The following SNX27 variants were observed in gnomAD, a reference collection of about 807,000 sequenced individuals.
The protein encoded by SNX27 is sorting nexin 27, also known as sorting nexin-27.
Under a neutral mutation model 71.6 loss-of-function variants are expected in SNX27, and 22 were observed. The ratio of observed to expected loss-of-function variants is 0.31; its 90% CI spans 0.22 to 0.44. SNX27 has a LOEUF of 0.44. SNX27 is among the 20% of genes least tolerant of loss of function. The pLI, the probability that SNX27 is intolerant of heterozygous loss-of-function variation, is 1.00. For synonymous variants in SNX27, 269 were observed against 277.2 expected, an observed-to-expected ratio of 0.97 and a Z score of 0.29; for missense variants, 531 against 698.6, an observed-to-expected ratio of 0.76 and a Z score of 2.70.
intron 1 of SNX27, among the ~76,000 whole-genome samples, chr1:151,633,404 C>T (rs1396203115): frequency 6.6e-6 from 1 of 152,048 alleles, no homozygotes; most frequent in Non-Finnish European, 1.5e-5. Context: ...TACAAGCAAT[C>T]CTCCTACCTC....
At chr1:151,651,045 C>A (rs974359336) in intron 2 of SNX27, among the ~76,000 whole-genome samples, 1 of 152,052 alleles carries the variant, frequency 6.6e-6, no homozygotes, top group African/African-American at 2.4e-5. Context: ...CAATCTTTTC[C>A]CCACCTTTCC....
At position 151,697,601 on chromosome 1, in the gene SNX27, C is replaced by G. The variant is rs1671828317; in HGVS notation, c.*3184C>G. The G allele has an allele frequency of 6.5e-6, 1 of 152,772 alleles. No homozygotes were observed. The highest frequency in any genetic ancestry group is 1.5e-5 in the Non-Finnish European group (1 of 68,136). The allele number at this position is 152,772 out of a possible 1,614,324, so 9.5% of individuals were successfully genotyped here. A position where few individuals can be genotyped will look rare whatever the true frequency, so the allele number is the denominator to read the frequency against. On this transcript the variant is annotated 3_prime_UTR_variant, in exon 12 of 12. Coordinates refer to ENST00000458013, the MANE Select transcript of SNX27 (RefSeq NM_001330723.2). ...TTCTTCTCTTCCACCCATGCACGGC[C>G]TTGGGTGATGGAGGCGGGTTCCCTG...
intron 4 of SNX27, among the ~76,000 whole-genome samples, 166 bp from the exon 5 acceptor site, chr1:151,662,000 G>T (rs1669982957): frequency 6.6e-6 from 1 of 151,876 alleles, no homozygotes; most frequent in Non-Finnish European, 1.5e-5. Flanking sequence ...TTCTGCTGCA[G>T]CCCTGAAGTC....
chr1:151,648,737 T>C (rs1669183682), intron 2 of SNX27, among the ~76,000 whole-genome samples: 1 of 100,602 alleles, frequency 9.9e-6, no homozygotes, highest in Admixed American at 9.1e-5. Context: ...CCATTTCTGA[T>C]GCACTTTATT....
chr1:151,680,649 G>A (rs376705912), intron 7 of SNX27, among the ~76,000 whole-genome samples: 8 of 152,242 alleles, frequency 5.3e-5, no homozygotes, highest in African/African-American at 1.9e-4. Flanking sequence ...CAGAAAGACA[G>A]TATTCTTATA....
intron 1 of SNX27, among the ~76,000 whole-genome samples, chr1:151,626,278 GT>G (rs1433372077): frequency 7.3e-6 from 1 of 137,230 alleles, no homozygotes; most frequent in East Asian, 2.0e-4. Flanking sequence ...TTTTTTTTTT[GT>G]TTTTCCCTAC....
chr1:151,644,855 G>A (rs1668963137), intron 2 of SNX27, among the ~76,000 whole-genome samples: 2 of 152,202 alleles, frequency 1.3e-5, no homozygotes, highest in Non-Finnish European at 2.9e-5. Context: ...CTGGAGTGCA[G>A]TGGCGCAATA....
chr1:151,628,006 GTT>G (rs34932455), intron 1 of SNX27, among the ~76,000 whole-genome samples: 171 of 122,754 alleles, frequency 1.4e-3, no homozygotes, highest in East Asian at 5.7e-3. Flanking sequence ...TTTCATGACT[GTT>G]TTTTTTTTTT....
At chr1:151,666,057 A>G in intron 6 of SNX27, 46 bp downstream of exon 6, 1 of 1,454,164 alleles carries the variant, frequency 6.9e-7, no homozygotes, top group Non-Finnish European at 9.6e-7. Flanking sequence ...TAATACTATG[A>G]GAAAGAAACA....
intron 1 of SNX27, among the ~76,000 whole-genome samples, chr1:151,623,175 G>A (rs1020820237): frequency 7.1e-6 from 1 of 141,672 alleles, no homozygotes; most frequent in South Asian, 2.3e-4. Context: ...ATGGAGTCTC[G>A]CTGTCGCCCA....
Position 151,693,077 on chromosome 1 carries a change from TG to T in SNX27, c.1518+39del, listed in dbSNP as rs1671532023. On this transcript the variant is annotated intron_variant, in intron 10 of 11. Coordinates refer to ENST00000458013, the MANE Select transcript of SNX27 (RefSeq NM_001330723.2). ...TGGGGAAAGTAACTGGGACTTAGTT[TG>T]TTTTTTTGTTTTTTTTTTCAGCTAA... 4.4e-6 allele frequency: 7 copies of T among 1,593,120 alleles called. No individual in the cohort carries two copies. In the East Asian group the frequency reaches 1.4e-4, roughly 31 times the overall value.
In SNX27 at chr1:151,637,170, GT is replaced by G. The variant is rs1491041932; in HGVS notation, c.312-1706del. Among the ~76,000 whole-genome samples, 105 of 32,848 alleles carry G rather than the reference GT, an allele frequency of 3.2e-3. 6 individuals are homozygous for G. Among genetic ancestry groups the G allele is most frequent in the African/African-American group, 8.7e-3 (104 of 11,964 alleles). 21.5% of individuals were successfully genotyped at this position (32,848 alleles called of 152,430 possible). A position where few individuals can be genotyped will look rare whatever the true frequency, so the allele number is the denominator to read the frequency against. ...TTGATCACGTTTTTTTTGTTTTTTT[GT>G]TTTTTTTTTTTGAGACAGAGTCTTG... On this transcript the variant is annotated intron_variant, in intron 1 of 11. Transcript: ENST00000458013.
chr1:151,635,086 G>A (rs921472559), intron 1 of SNX27, among the ~76,000 whole-genome samples: 1 of 152,184 alleles, frequency 6.6e-6, no homozygotes, highest in African/African-American at 2.4e-5. Flanking sequence ...GCTAGATTAT[G>A]TTACAAAGAC....
chr1:151,692,533 C>G lies in SNX27; in HGVS notation c.1338C>G (p.Ile446Met). 6.2e-7 allele frequency: 1 copy of G among 1,600,048 alleles called. No homozygotes were observed. The highest frequency in any genetic ancestry group is 8.5e-7 in the Non-Finnish European group (1 of 1,171,836). The change falls in exon 9 of 12, where the codon ATC becomes ATG. Residue 446 changes from isoleucine (I) to methionine (M), a missense_variant. Around this residue, in one of 5 missense-constraint regions of SNX27, gnomAD observed 157 missense variants for 178.4 expected, o/e 0.88. Coordinates refer to ENST00000458013, the MANE Select transcript of SNX27 (RefSeq NM_001330723.2). Reference protein sequence around the residue: ...SRRKGHVITAISITHFKLHAC... With the variant: ...SRRKGHVITAMSITHFKLHAC... ...GGAAGGGGCACGTTATCACAGCCATCAGCATCACGCACTTTAAACTGCATG... is the reference window on the plus strand; with the variant it reads ...GGAAGGGGCACGTTATCACAGCCATGAGCATCACGCACTTTAAACTGCATG...
chr1:151,651,602 C>T lies in SNX27; in HGVS notation c.544-6633C>T, dbSNP rs953698529. 5.4e-5 allele frequency among the ~76,000 whole-genome samples: 8 copies of T among 147,770 alleles called. 1 individual carries two copies. In the South Asian group the frequency reaches 8.7e-4, roughly 16 times the overall value. On this transcript the variant is annotated intron_variant, in intron 2 of 11. Transcript: ENST00000458013. ...GCAGAGGTGCTCCTCACATCCCAGACGGGGCGGCGGGGCAGAGGCGCTCCC... is the reference window on the plus strand; with the variant it reads ...GCAGAGGTGCTCCTCACATCCCAGATGGGGCGGCGGGGCAGAGGCGCTCCC...
At chr1:151,676,092 T>C (rs1018940586) in intron 7 of SNX27, 2 of 150,754 alleles carry the variant, frequency 1.3e-5, no homozygotes, top group Non-Finnish European at 3.0e-5. Flanking sequence ...GTGTTAGGAT[T>C]ACAGGTGTGA....
At chr1:151,640,632 C>T (rs1372939553) in intron 2 of SNX27, among the ~76,000 whole-genome samples, 1 of 152,162 alleles carries the variant, frequency 6.6e-6, no homozygotes, top group Non-Finnish European at 1.5e-5. Context: ...GCCTCAGCCT[C>T]CCAAAGTGCT....
At chr1:151,622,934 A>G (rs990663181) in intron 1 of SNX27, among the ~76,000 whole-genome samples, 11 of 151,740 alleles carry the variant, frequency 7.2e-5, no homozygotes, top group Non-Finnish European at 1.6e-4. Flanking sequence ...GACCACATGC[A>G]TGTACTACAC....
intron 11 of SNX27, chr1:151,694,036 AT>A (rs1671586406): frequency 9.1e-6 from 11 of 1,214,600 alleles, no homozygotes; most frequent in African/African-American, 3.1e-5. Context: ...ATGAAAATTT[AT>A]ATTTTAGTAC....
Sources: gnomAD v4.1 joint callset for allele counts (sites outside exome capture counted in the v4.1 genomes callset) on GRCh38, gnomAD v4.1.1 for gene constraint, gnomAD v4.1.1 regional missense constraint, MANE v1.5 for transcripts, NCBI Gene and HGNC (gene_info 2026-07-23, HGNC 2026-07-21) for gene names.